The following CIB4 variants were observed in gnomAD, a reference collection of about 807,000 sequenced individuals.
CIB4 encodes calcium and integrin binding family member 4, also known as calcium and integrin-binding family member 4.
CIB4 carries 25 observed loss-of-function variants against 25.8 expected under a neutral mutation model. That is an observed-to-expected ratio of 0.97 (90% confidence interval 0.71 to 1.35). CIB4 has a LOEUF of 1.35. Among genes scored for constraint, CIB4 ranks in the 40% most tolerant of loss-of-function variants. CIB4 has a pLI of 0.00. For missense variants in CIB4, 235 were observed against 228.2 expected, an observed-to-expected ratio of 1.03 and a Z score of -0.19; for synonymous variants, 75 against 81.4, an observed-to-expected ratio of 0.92 and a Z score of 0.42.
At chr2:26,636,876 T>C (rs1276666616) in intron 2 of CIB4, among the ~76,000 whole-genome samples, 3 of 152,218 alleles carry the variant, frequency 2.0e-5, no homozygotes. Context: ...TCTGTTTTGC[T>C]CTCCGTGGAA....
chr2:26,635,582 G>A (rs1382223474), intron 2 of CIB4, among the ~76,000 whole-genome samples: 2 of 152,178 alleles, frequency 1.3e-5, no homozygotes, highest in African/African-American at 4.8e-5. Context: ...CCAGGGCTTC[G>A]TCTGGCTCAA....
chr2:26,589,114 T>TTCC (rs1668532558), intron 4 of CIB4, among the ~76,000 whole-genome samples: 1 of 98,442 alleles, frequency 1.0e-5, no homozygotes, highest in African/African-American at 5.5e-5. Context: ...CTTCCTCTTC[T>TTCC]TCTTCTTCTT....
In CIB4 at chr2:26,635,009, TGGGTCTGCA is replaced by T. The variant is rs1449328091; in HGVS notation, c.90-5512_90-5504del. Among the ~76,000 whole-genome samples, 4 of 152,234 alleles carry T rather than the reference TGGGTCTGCA, an allele frequency of 2.6e-5. No homozygotes were observed. The South Asian group carries it at 6.2e-4, about 24-fold the overall frequency. Reference sequence around the variant, plus strand: ...CCCAGGAAGCCACATGGGCCCTCTTTGGGTCTGCAGGGTCTGCACGGTCTGCAGTCACCG... The same window carrying T: ...CCCAGGAAGCCACATGGGCCCTCTTTGGGTCTGCACGGTCTGCAGTCACCG... On this transcript the variant is annotated intron_variant, in intron 2 of 6. Coordinates refer to ENST00000288861, the MANE Select transcript of CIB4 (RefSeq NM_001029881.3).
chr2:26,628,120 AT>A (rs1297750305), intron 3 of CIB4, among the ~76,000 whole-genome samples: 2 of 152,228 alleles, frequency 1.3e-5, no homozygotes, highest in Non-Finnish European at 2.9e-5. Context: ...CGTAGCCATG[AT>A]TTGTTAACGT....
chr2:26,581,721 G>C (rs1668348617), intron 6 of CIB4, among the ~76,000 whole-genome samples: 1 of 152,236 alleles, frequency 6.6e-6, no homozygotes, highest in South Asian at 2.1e-4. Context: ...AACAAGAGGA[G>C]TTAGCTTTGG....
At chr2:26,617,147 T>TGTGTGTGTGC (rs10665609) in intron 3 of CIB4, among the ~76,000 whole-genome samples, 3 of 150,412 alleles carry the variant, frequency 2.0e-5, no homozygotes, top group Admixed American at 6.6e-5. Flanking sequence ...TGTGTGTGTG[T>TGTGTGTGTGC]GCACGTGAGC....
intron 3 of CIB4, among the ~76,000 whole-genome samples, chr2:26,606,475 G>A (rs1668892229): frequency 6.6e-6 from 1 of 152,136 alleles, no homozygotes; most frequent in Admixed American, 6.5e-5. Flanking sequence ...AAAAGAGGCA[G>A]GGCCAGAGGA....
intron 3 of CIB4, among the ~76,000 whole-genome samples, chr2:26,605,723 G>A (rs1322473285): frequency 6.6e-6 from 1 of 152,206 alleles, no homozygotes; most frequent in African/African-American, 2.4e-5. Flanking sequence ...TTGCAGGCAG[G>A]TGGCAGGGAC....
intron 3 of CIB4, among the ~76,000 whole-genome samples, chr2:26,610,139 T>C (rs920456874): frequency 6.6e-6 from 1 of 152,210 alleles, no homozygotes; most frequent in Non-Finnish European, 1.5e-5. Context: ...GGTTCTCAGA[T>C]GGTGTCAGGG....
chr2:26,587,579 T>A (rs1016748000), intron 4 of CIB4, among the ~76,000 whole-genome samples: 1 of 152,074 alleles, frequency 6.6e-6, no homozygotes, highest in Admixed American at 6.6e-5. Flanking sequence ...ACCTGGAATA[T>A]AGAAGATATT....
At chr2:26,620,279 G>A (rs542646654) in intron 3 of CIB4, among the ~76,000 whole-genome samples, 15 of 152,354 alleles carry the variant, frequency 9.8e-5, no homozygotes, top group African/African-American at 2.4e-4. Context: ...CAGACTCTGC[G>A]ACTGGAAGTC....
At chr2:26,587,325 A>AAAAAAAAAAAC (rs1332345857) in intron 4 of CIB4, among the ~76,000 whole-genome samples, 1 of 150,668 alleles carries the variant, frequency 6.6e-6, no homozygotes. Flanking sequence ...AAAAAAAAAA[A>AAAAAAAAAAAC]AAAGAACCAC....
At chr2:26,609,592 A>C (rs1356733839) in intron 3 of CIB4, among the ~76,000 whole-genome samples, 2 of 152,154 alleles carry the variant, frequency 1.3e-5, no homozygotes, top group Non-Finnish European at 2.9e-5. Context: ...CCCACCCCAG[A>C]CAAAAGAACA....
chr2:26,588,312 T>C (rs1276363309), intron 4 of CIB4, among the ~76,000 whole-genome samples: 1 of 152,234 alleles, frequency 6.6e-6, no homozygotes, highest in Non-Finnish European at 1.5e-5. Context: ...CTAGAGTAAA[T>C]GTATTCCTGG....
rs142951418 is a variant in CIB4, at chr2:26,601,217, C to CAAAAAAAAAAAAA, written c.187-5913_187-5901dup. Among the ~76,000 whole-genome samples the CAAAAAAAAAAAAA allele has an allele frequency of 1.4e-3, 33 of 23,696 alleles. 1 individual carries two copies. The highest frequency in any genetic ancestry group is 0.036 in the Middle Eastern group (2 of 56). The allele number at this position is 23,696 out of a possible 152,430, so 15.5% of individuals were successfully genotyped here. On this transcript the variant is annotated intron_variant, in intron 3 of 6. Transcript: ENST00000288861. ...CCTGAGTGACAGAGTGAGACCATGT[C>CAAAAAAAAAAAAA]AAAAAAAAAAAAAAATATATATATA...
chr2:26,630,278 G>T (rs1403749273), intron 2 of CIB4, among the ~76,000 whole-genome samples: 9 of 152,082 alleles, frequency 5.9e-5, no homozygotes, highest in Admixed American at 5.9e-4. Context: ...CTGAACCTGG[G>T]TCCCTGTCCA....
In CIB4 at chr2:26,637,584, G is replaced by A. The variant is rs1669557798; in HGVS notation, c.89+2949C>T. On this transcript the variant is annotated intron_variant, in intron 2 of 6. Coordinates refer to ENST00000288861, the MANE Select transcript of CIB4 (RefSeq NM_001029881.3). ...GAGATGGCTCTATATCAAACAGAAA[G>A]CTCTTCCCCTCCTCTCTAAGGGCAG... Among the ~76,000 whole-genome samples the A allele has an allele frequency of 2.6e-5, 4 of 152,098 alleles. No homozygotes were observed. The South Asian group carries it at 8.3e-4, about 32-fold the overall frequency.
At chr2:26,589,897 T>C (rs1368505629) in intron 4 of CIB4, among the ~76,000 whole-genome samples, 2 of 152,178 alleles carry the variant, frequency 1.3e-5, no homozygotes, top group Non-Finnish European at 2.9e-5. Context: ...TCACCTTTTC[T>C]TCCTGAAATG....
intron 2 of CIB4, among the ~76,000 whole-genome samples, chr2:26,629,766 G>A (rs1389777193): frequency 1.3e-5 from 2 of 152,224 alleles, no homozygotes; most frequent in East Asian, 3.8e-4. Context: ...TGAGCCAGGT[G>A]AGAGGAAAGT....
Sources: allele counts gnomAD v4.1 joint callset (sites outside exome capture counted in the v4.1 genomes callset), GRCh38; gene constraint gnomAD v4.1.1; transcripts MANE v1.5; gene names NCBI Gene and HGNC (gene_info 2026-07-23, HGNC 2026-07-21).